TNNI3K: variants seen among roughly 807,000 people sequenced by gnomAD.
TNNI3K encodes the protein serine/threonine-protein kinase TNNI3K.
In TNNI3K, 140 loss-of-function variants were observed where a neutral mutation model predicts 114.5. The ratio of observed to expected loss-of-function variants is 1.22; its 90% CI spans 1.07 to 1.41. The LOEUF (loss-of-function observed/expected upper bound fraction) is 1.41. TNNI3K is among the 40% of genes most tolerant of loss of function. The probability of loss-of-function intolerance (pLI) is 0.00; values close to 1 mark genes in which losing one functional copy is unlikely to be tolerated. For missense variants in TNNI3K, 1,125 were observed against 1,007.6 expected, an observed-to-expected ratio of 1.12 and a Z score of -1.58; for synonymous variants, 347 against 347.5, an observed-to-expected ratio of 1.00 and a Z score of 0.02.
At chr1:74,462,419 C>A (rs2100720277) in intron 20 of TNNI3K, among the ~76,000 whole-genome samples, 1 of 152,238 alleles carries the variant, frequency 6.6e-6, no homozygotes, top group South Asian at 2.1e-4. Flanking sequence ...TGATGCAGAG[C>A]AGTTTTTGTG....
intron 4 of TNNI3K, among the ~76,000 whole-genome samples, chr1:74,267,522 A>T (rs1302509999): frequency 1.3e-5 from 2 of 151,968 alleles, no homozygotes; most frequent in East Asian, 3.9e-4. Context: ...CCTGAGTGAC[A>T]TCGGCTATAA....
In TNNI3K at chr1:74,370,389, A is replaced by G; in HGVS notation, c.1769A>G (p.Asn590Ser). The change falls in exon 17 of 25, where the codon AAC becomes AGC. Residue 590 changes from asparagine (N) to serine (S), a missense_variant. Physicochemically the swap from Asn to Ser is conservative, Grantham distance 46. Transcript: ENST00000326637. ...LTQPIIHRDL[N>S]SHNILLYEDG... ...CAGCCAATTATACATCGTGACTTGA[A>G]CAGGTATTTTTTTCCTAAATAATGA... The G allele has an allele frequency of 6.2e-7, 1 of 1,604,208 alleles. No individual in the cohort carries two copies. The highest frequency in any genetic ancestry group is 8.5e-7 in the Non-Finnish European group (1 of 1,174,284).
chr1:74,420,043 G>C (rs1557555054), intron 17 of TNNI3K, among the ~76,000 whole-genome samples: 1 of 152,032 alleles, frequency 6.6e-6, no homozygotes, highest in Non-Finnish European at 1.5e-5. Context: ...AGAGCGATAA[G>C]AGAAAAGACA....
chr1:74,286,237 C>T (rs1657326782), intron 5 of TNNI3K, among the ~76,000 whole-genome samples: 1 of 152,180 alleles, frequency 6.6e-6, no homozygotes, highest in Non-Finnish European at 1.5e-5. Flanking sequence ...ATGCCTACCC[C>T]AGTGGATTCC....
chr1:74,485,124 T>G (rs1668688885), intron 21 of TNNI3K, among the ~76,000 whole-genome samples: 1 of 152,186 alleles, frequency 6.6e-6, no homozygotes, highest in South Asian at 2.1e-4. Flanking sequence ...GATAGACATG[T>G]AAATACCTAT....
chr1:74,362,832 G>A (rs933312668), intron 11 of TNNI3K, among the ~76,000 whole-genome samples: 1 of 152,066 alleles, frequency 6.6e-6, no homozygotes, highest in African/African-American at 2.4e-5. Flanking sequence ...TGAATTTGGA[G>A]AATACACACA....
At chr1:74,391,957 A>ATTTTTTTTTTTTTTTTTTTTT (rs34656417) in intron 17 of TNNI3K, among the ~76,000 whole-genome samples, 8 of 93,040 alleles carry the variant, frequency 8.6e-5, no homozygotes, top group African/African-American at 1.2e-4. Flanking sequence ...ACAGCTTATT[A>ATTTTTTTTTTTTTTTTTTTTT]TTTTTTTTTT....
chr1:74,439,771 T>G, intron 20 of TNNI3K, 149 bp downstream of exon 20: 1 of 1,230,688 alleles, frequency 8.1e-7, no homozygotes. Context: ...TTTTAAGGTG[T>G]GTGCCCAACC....
intron 11 of TNNI3K, among the ~76,000 whole-genome samples, chr1:74,365,955 T>TA (rs2100511652): frequency 6.6e-6 from 1 of 152,184 alleles, no homozygotes; most frequent in East Asian, 1.9e-4. Context: ...CAATGCTTTT[T>TA]TTTTTTTTCC....
intron 17 of TNNI3K, among the ~76,000 whole-genome samples, chr1:74,422,237 G>A (rs992609274): frequency 6.6e-6 from 1 of 151,716 alleles, no homozygotes; most frequent in African/African-American, 2.4e-5. Flanking sequence ...AGGTATATGT[G>A]TATTTTTTAT....
At chr1:74,454,970 G>C (rs958698403) in intron 20 of TNNI3K, among the ~76,000 whole-genome samples, 1 of 152,040 alleles carries the variant, frequency 6.6e-6, no homozygotes, top group African/African-American at 2.4e-5. Flanking sequence ...GTAAATGTTA[G>C]GTATTATTAT....
chr1:74,289,467 G>A (rs1052801666), intron 5 of TNNI3K, among the ~76,000 whole-genome samples: 6 of 148,406 alleles, frequency 4.0e-5, no homozygotes, highest in African/African-American at 1.2e-4. Context: ...AAAAGAAGTC[G>A]AACTCACCCA....
chr1:74,350,125 C>G lies in TNNI3K; in HGVS notation c.933-3141C>G, dbSNP rs377053674. 6.4e-4 allele frequency among the ~76,000 whole-genome samples: 98 copies of G among 152,162 alleles called. 3 individuals carry two copies. In the East Asian group the frequency reaches 0.017, roughly 27 times the overall value. ...TGGGCATTCGGTGCTATAAATTTCC[C>G]TCTACACACTGCTTTGAATGTGTCC... On this transcript the variant is annotated intron_variant, in intron 9 of 24. Transcript: ENST00000326637.
chr1:74,353,864 T>C, intron 10 of TNNI3K, 116 bp from the exon 11 acceptor site: 2 of 1,379,608 alleles, frequency 1.4e-6, no homozygotes, highest in Non-Finnish European at 1.9e-6. Context: ...AAGAAATCAA[T>C]CCTTACTTCA....
At chr1:74,468,193 A>G (rs1379704951) in intron 21 of TNNI3K, 1 of 152,074 alleles carries the variant, frequency 6.6e-6, no homozygotes, top group Non-Finnish European at 1.5e-5. Flanking sequence ...TATCAGGGAT[A>G]TTCTTGGCAG....
intron 9 of TNNI3K, among the ~76,000 whole-genome samples, chr1:74,348,432 G>A (rs1661141160): frequency 6.6e-6 from 1 of 152,214 alleles, no homozygotes. Context: ...CAGGTAGCAT[G>A]ATGCCTCCAA....
At chr1:74,430,460 A>C (rs528080245) in intron 17 of TNNI3K, among the ~76,000 whole-genome samples, 4 of 152,232 alleles carry the variant, frequency 2.6e-5, no homozygotes, top group African/African-American at 9.6e-5. Flanking sequence ...CAACACACAC[A>C]CATATGCACA....
At chr1:74,312,342 G>A (rs1659040538) in intron 5 of TNNI3K, among the ~76,000 whole-genome samples, 1 of 152,186 alleles carries the variant, frequency 6.6e-6, no homozygotes, top group South Asian at 2.1e-4. Flanking sequence ...ATGTTCAACA[G>A]TCTTTGACAT....
At chr1:74,423,510 A>G (rs1029574910) in intron 17 of TNNI3K, among the ~76,000 whole-genome samples, 17 of 152,144 alleles carry the variant, frequency 1.1e-4, no homozygotes, top group Admixed American at 1.1e-3. Context: ...GATTCTAATC[A>G]TAATTCTGAC....
Sources: gnomAD v4.1 joint callset for allele counts (sites outside exome capture counted in the v4.1 genomes callset) on GRCh38, gnomAD v4.1.1 for gene constraint, MANE v1.5 for transcripts, NCBI Gene and HGNC (gene_info 2026-07-23, HGNC 2026-07-21) for gene names.